The following EML1 variants were observed in gnomAD, a reference collection of about 807,000 sequenced individuals.
EML1 encodes echinoderm microtubule-associated protein-like 1.
Under a neutral mutation model 110.4 loss-of-function variants are expected in EML1, and 27 were observed. That is an observed-to-expected ratio of 0.24 (90% CI 0.18 to 0.34). EML1 has a LOEUF of 0.34. Among genes scored for constraint, EML1 ranks in the 10% least tolerant of loss-of-function variants. The pLI is 1.00. For synonymous variants in EML1, 344 were observed against 385.8 expected (o/e 0.89, Z 1.27); for missense variants, 741 against 1,030.9 (o/e 0.72, Z 3.85).
Position 99,927,834 on chromosome 14 carries a change from T to A in EML1, c.1909+6957T>A, listed in dbSNP as rs920187058. On this transcript the variant is annotated intron_variant, in intron 17 of 21. Transcript: ENST00000262233. ...TGGGGGGGTGGTGGTGGTGGTGGTA[T>A]TGGTGGTGGTGATGGTGGTGGTGGT... Among the ~76,000 whole-genome samples the A allele has an allele frequency of 9.9e-3, 137 of 13,772 alleles. 1 individual carries two copies. The highest frequency in any genetic ancestry group is 0.011 in the Non-Finnish European group (89 of 7,958). 9.0% of individuals were successfully genotyped at this position (13,772 alleles called of 152,430 possible).
chr14:99,913,060 C>A (rs1393028372), intron 13 of EML1, among the ~76,000 whole-genome samples: 2 of 152,190 alleles, frequency 1.3e-5, no homozygotes, highest in African/African-American at 2.4e-5. Flanking sequence ...TTTTGCAATT[C>A]TTTCTCTTAA....
chr14:99,903,679 A>G (rs1465077399), intron 9 of EML1, among the ~76,000 whole-genome samples: 4 of 152,182 alleles, frequency 2.6e-5, no homozygotes, highest in East Asian at 1.9e-4. Context: ...CTATTTGACA[A>G]TGCTTCCTGT....
chr14:99,771,487 T>C (rs2057427908), upstream of EML1, among the ~76,000 whole-genome samples: 1 of 152,236 alleles, frequency 6.6e-6, no homozygotes, highest in Non-Finnish European at 1.5e-5. Context: ...GAGAGACATG[T>C]GGATTGTTTC....
At chr14:99,750,205 A>G (rs2057159863) in intron 1 of EML1, among the ~76,000 whole-genome samples, 2 of 152,228 alleles carry the variant, frequency 1.3e-5, no homozygotes, top group African/African-American at 2.4e-5. Flanking sequence ...GGAGGGAACA[A>G]TTCACGTTCC....
chr14:99,902,608 A>G (rs919058997), intron 9 of EML1, among the ~76,000 whole-genome samples: 1 of 152,266 alleles, frequency 6.6e-6, no homozygotes, highest in Non-Finnish European at 1.5e-5. Flanking sequence ...GATTATTTGT[A>G]TAAAGTGCAG....
chr14:99,830,056 G>A (rs1231284738), intron 1 of EML1, among the ~76,000 whole-genome samples: 1 of 152,162 alleles, frequency 6.6e-6, no homozygotes. Flanking sequence ...TTAACTTTTT[G>A]AGGATCTGCC....
intron 1 of EML1, among the ~76,000 whole-genome samples, chr14:99,751,169 C>T (rs1376639037): frequency 2.0e-5 from 3 of 152,096 alleles, no homozygotes; most frequent in Non-Finnish European, 4.4e-5. Flanking sequence ...GGACAGTCTG[C>T]CCCTCACCTG....
intron 17 of EML1, among the ~76,000 whole-genome samples, chr14:99,929,773 C>T (rs2060332605): frequency 1.3e-5 from 2 of 152,152 alleles, no homozygotes; most frequent in Admixed American, 1.3e-4. Flanking sequence ...ATTTCAGAAA[C>T]CTGCTGCCAA....
intron 1 of EML1, among the ~76,000 whole-genome samples, chr14:99,799,672 T>C (rs1445707225): frequency 6.6e-6 from 1 of 152,240 alleles, no homozygotes; most frequent in Non-Finnish European, 1.5e-5. Context: ...CCACGCATTT[T>C]GGTGGAAAAA....
chr14:99,824,592 T>C (rs754452450), intron 1 of EML1, among the ~76,000 whole-genome samples: 6 of 152,188 alleles, frequency 3.9e-5, no homozygotes, highest in Non-Finnish European at 5.9e-5. Context: ...AAAATTTCTT[T>C]TTTTTTTCTT....
At position 99,850,703 on chromosome 14, in the gene EML1, A is replaced by G. The variant is rs888181938; in HGVS notation, c.68-150A>G. Reference sequence around the variant, plus strand: ...GTAGTTACACACAGCTAAAGATTTCATGTGATTTCTGCTTAAGAGCAGTAT... The same window carrying G: ...GTAGTTACACACAGCTAAAGATTTCGTGTGATTTCTGCTTAAGAGCAGTAT... On this transcript the variant is annotated intron_variant, in intron 1 of 21. Transcript: ENST00000262233. The G allele has an allele frequency of 1.6e-5, 12 of 757,460 alleles. No individual in the cohort carries two copies. The African/African-American group carries it at 1.6e-4, about 10-fold the overall frequency. The allele number at this position is 757,460 out of a possible 1,614,324, so 46.9% of individuals were successfully genotyped here. A position where few individuals can be genotyped will look rare whatever the true frequency, so the allele number is the denominator to read the frequency against.
rs76442824 is a variant in EML1 at position 99,854,562 on chromosome 14, G to A, written c.250+3527G>A. Reference sequence around the variant, plus strand: ...AGGTCTTCTTTCCCTTGAGGATACTGCTCTGGGTCTTAGGATTTCCTCAGT... The same window carrying A: ...AGGTCTTCTTTCCCTTGAGGATACTACTCTGGGTCTTAGGATTTCCTCAGT... On this transcript the variant is annotated intron_variant, in intron 2 of 21. Coordinates refer to ENST00000262233, the MANE Select transcript of EML1 (RefSeq NM_004434.3). Among the ~76,000 whole-genome samples, 501 of 152,284 alleles carry A rather than the reference G, an allele frequency of 3.3e-3. 5 individuals are homozygous for A. The highest frequency in any genetic ancestry group is 0.011 in the African/African-American group (478 of 41,566).
At chr14:99,762,444 A>G (rs1420485224) in intron 1 of EML1, among the ~76,000 whole-genome samples, 2 of 152,102 alleles carry the variant, frequency 1.3e-5, no homozygotes, top group Admixed American at 6.5e-5. Context: ...GGCTTCTAAT[A>G]CTGGATTAGC....
chr14:99,929,004 C>T (rs1185852538), intron 17 of EML1, among the ~76,000 whole-genome samples: 2 of 152,206 alleles, frequency 1.3e-5, no homozygotes, highest in African/African-American at 4.8e-5. Flanking sequence ...GCTGAAGGCA[C>T]GAGGGCCTCA....
intron 1 of EML1, among the ~76,000 whole-genome samples, chr14:99,759,746 G>C (rs1039154800): frequency 2.9e-4 from 44 of 152,304 alleles, no homozygotes; most frequent in Middle Eastern, 3.4e-3. Flanking sequence ...GCTGAGCTGA[G>C]CCTTAACCAC....
upstream of EML1, among the ~76,000 whole-genome samples, chr14:99,789,154 C>G (rs2057632032): frequency 6.6e-6 from 1 of 152,094 alleles, no homozygotes; most frequent in Non-Finnish European, 1.5e-5. Context: ...TCCCTGCTTT[C>G]AACAATTTTG....
intron 1 of EML1, among the ~76,000 whole-genome samples, chr14:99,748,644 C>G (rs1031982635): frequency 6.6e-6 from 1 of 151,778 alleles, no homozygotes; most frequent in Non-Finnish European, 1.5e-5. Context: ...GGCAACAGAG[C>G]GAGACCCTGT....
At chr14:99,902,775 G>A (rs1423260843) in intron 9 of EML1, among the ~76,000 whole-genome samples, 4 of 152,080 alleles carry the variant, frequency 2.6e-5, no homozygotes, top group Admixed American at 1.3e-4. Flanking sequence ...TCCTCTTGGG[G>A]GGTCCCAAGA....
At chr14:99,895,251 A>G (rs1013391478) in intron 6 of EML1, among the ~76,000 whole-genome samples, 4 of 152,062 alleles carry the variant, frequency 2.6e-5, no homozygotes, top group African/African-American at 9.7e-5. Flanking sequence ...ATTTTTTTTT[A>G]AGAGATAGTC....
Sources: gnomAD v4.1 joint callset for allele counts (sites outside exome capture counted in the v4.1 genomes callset) on GRCh38, gnomAD v4.1.1 for gene constraint, MANE v1.5 for transcripts, NCBI Gene and HGNC (gene_info 2026-07-23, HGNC 2026-07-21) for gene names.